Variants in CA10 observed in about 807,000 individuals in gnomAD.
CA10 encodes the protein carbonic anhydrase 10 (inactive).
Under a neutral mutation model 44.2 loss-of-function variants are expected in CA10, and 14 were observed. The observed-to-expected ratio is 0.32, with a 90% confidence interval of 0.21 to 0.50. The LOEUF (loss-of-function observed/expected upper bound fraction) is 0.50. Ranked by LOEUF, CA10 falls within the 20% of genes least tolerant of loss-of-function variation. CA10 has a pLI of 0.99. For synonymous variants in CA10, 159 were observed against 141.6 expected (o/e 1.12, Z -0.87); for missense variants, 350 against 409.7 (o/e 0.85, Z 1.26).
At chr17:52,027,288 C>T (rs1986331790) in intron 2 of CA10, among the ~76,000 whole-genome samples, 1 of 151,996 alleles carries the variant, frequency 6.6e-6, no homozygotes, top group Admixed American at 6.6e-5. Context: ...GATGAAGCTT[C>T]CCTCACTCAC....
At chr17:51,689,660 T>C (rs528221845) in intron 4 of CA10, among the ~76,000 whole-genome samples, 1 of 152,338 alleles carries the variant, frequency 6.6e-6, no homozygotes, top group African/African-American at 2.4e-5. Context: ...ATTTCCAGTA[T>C]AGAGACTGAC....
At chr17:51,659,259 T>C (rs778746608) in intron 4 of CA10, among the ~76,000 whole-genome samples, 7 of 152,148 alleles carry the variant, frequency 4.6e-5, no homozygotes, top group Admixed American at 2.6e-4. Context: ...TCTTTGCCCC[T>C]GGACATCAGA....
intron 1 of CA10, among the ~76,000 whole-genome samples, chr17:52,104,457 G>A (rs1486263575): frequency 5.3e-5 from 8 of 152,072 alleles, no homozygotes; most frequent in African/African-American, 1.9e-4. Context: ...GCCTGCCTCA[G>A]CTTCCCAAAA....
chr17:51,754,036 G>T (rs1904988411), intron 3 of CA10, among the ~76,000 whole-genome samples: 1 of 151,924 alleles, frequency 6.6e-6, no homozygotes, highest in Non-Finnish European at 1.5e-5. Context: ...TAGAGACGGG[G>T]TTTCACCATG....
At chr17:52,008,522 G>C (rs1467625611) in intron 2 of CA10, among the ~76,000 whole-genome samples, 1 of 151,760 alleles carries the variant, frequency 6.6e-6, no homozygotes, top group Admixed American at 6.6e-5. Flanking sequence ...GGAGTACTCT[G>C]CTAGAGCTTT....
intron 3 of CA10, among the ~76,000 whole-genome samples, chr17:51,906,026 G>A (rs147864772): frequency 3.2e-4 from 48 of 152,116 alleles, no homozygotes; most frequent in African/African-American, 1.1e-3. Context: ...ATTATCTTGC[G>A]TGGAGGAGGA....
At chr17:52,090,300 T>C (rs1185596416) in intron 1 of CA10, among the ~76,000 whole-genome samples, 1 of 152,156 alleles carries the variant, frequency 6.6e-6, no homozygotes, top group African/African-American at 2.4e-5. Flanking sequence ...TAAAACTGTT[T>C]CCAAAATTAC....
At chr17:52,095,749 T>C (rs1318393554) in intron 1 of CA10, among the ~76,000 whole-genome samples, 3 of 152,120 alleles carry the variant, frequency 2.0e-5, no homozygotes, top group Admixed American at 1.3e-4. Flanking sequence ...TTTTGGTATA[T>C]TTACTTTCAT....
intron 4 of CA10, among the ~76,000 whole-genome samples, chr17:51,660,667 T>G (rs981443202): frequency 6.6e-6 from 1 of 152,190 alleles, no homozygotes; most frequent in Admixed American, 6.5e-5. Flanking sequence ...AGCCCTTTTG[T>G]GAGCGCAAAA....
intron 2 of CA10, among the ~76,000 whole-genome samples, chr17:51,934,989 GC>G (rs1409710681): frequency 6.6e-6 from 1 of 152,088 alleles, no homozygotes; most frequent in African/African-American, 2.4e-5. Flanking sequence ...GAGTCAGATG[GC>G]CCACTTTACA....
chr17:51,751,454 G>C (rs1904887452), intron 3 of CA10, among the ~76,000 whole-genome samples: 1 of 152,172 alleles, frequency 6.6e-6, no homozygotes, highest in East Asian at 1.9e-4. Flanking sequence ...ACAATAAAAA[G>C]TTGGTAAAAA....
At chr17:52,003,939 C>CA (rs56397346) in intron 2 of CA10, among the ~76,000 whole-genome samples, 21 of 148,168 alleles carry the variant, frequency 1.4e-4, no homozygotes, top group African/African-American at 5.2e-4. Context: ...AAAACTAAAA[C>CA]AAAAAAAAAA....
At chr17:51,890,858 T>C (rs188217264) in intron 3 of CA10, among the ~76,000 whole-genome samples, 4 of 152,330 alleles carry the variant, frequency 2.6e-5, no homozygotes, top group African/African-American at 9.6e-5. Context: ...AACACACCAG[T>C]CTGCCTGCCT....
chr17:51,722,266 G>A (rs1916372398), intron 4 of CA10, among the ~76,000 whole-genome samples: 2 of 152,066 alleles, frequency 1.3e-5, no homozygotes, highest in East Asian at 1.9e-4. Flanking sequence ...TGACTAGAAG[G>A]CAATAGCACT....
At chr17:51,971,220 A>G (rs1984269264) in intron 2 of CA10, among the ~76,000 whole-genome samples, 1 of 152,046 alleles carries the variant, frequency 6.6e-6, no homozygotes, top group African/African-American at 2.4e-5. Flanking sequence ...AGAATAAAAC[A>G]TGCTCATTTT....
At chr17:51,771,377 G>C (rs886424238) in intron 3 of CA10, among the ~76,000 whole-genome samples, 1 of 152,140 alleles carries the variant, frequency 6.6e-6, no homozygotes, top group African/African-American at 2.4e-5. Context: ...TGATTGACCT[G>C]TCCAAAATCA....
At chr17:52,118,469 C>T (rs1219667901) in intron 1 of CA10, among the ~76,000 whole-genome samples, 5 of 152,148 alleles carry the variant, frequency 3.3e-5, no homozygotes, top group African/African-American at 1.2e-4. Context: ...AAATTTTTAA[C>T]ATATTTAACA....
intron 3 of CA10, among the ~76,000 whole-genome samples, chr17:51,924,655 T>C (rs1046096796): frequency 6.6e-6 from 1 of 152,154 alleles, no homozygotes; most frequent in Non-Finnish European, 1.5e-5. Context: ...CAGAGCCTTG[T>C]TCCCCAGCTC....
intron 2 of CA10, among the ~76,000 whole-genome samples, chr17:52,031,922 C>T (rs975817839): frequency 6.6e-6 from 1 of 152,050 alleles, no homozygotes; most frequent in African/African-American, 2.4e-5. Flanking sequence ...TAGGGCAATA[C>T]AGAATTTTAA....
Sources: gnomAD v4.1 joint callset for allele counts (sites outside exome capture counted in the v4.1 genomes callset) on GRCh38, gnomAD v4.1.1 for gene constraint, MANE v1.5 for transcripts, NCBI Gene and HGNC (gene_info 2026-07-23, HGNC 2026-07-21) for gene names.